The following PRKCE variants were observed in gnomAD, a reference collection of about 807,000 sequenced individuals.
PRKCE encodes protein kinase C epsilon.
A neutral mutation model predicts 85.4 loss-of-function variants in PRKCE; 16 were observed. The ratio of observed to expected loss-of-function variants is 0.19; its 90% CI spans 0.13 to 0.28. The LOEUF (loss-of-function observed/expected upper bound fraction) is 0.28. Among genes scored for constraint, PRKCE ranks in the 10% least tolerant of loss-of-function variants. The probability of loss-of-function intolerance (pLI) is 1.00; values close to 1 mark genes in which losing one functional copy is unlikely to be tolerated. For synonymous variants in PRKCE, 388 were observed against 371.5 expected (o/e 1.04, Z -0.51); for missense variants, 573 against 975.2 (o/e 0.59, Z 5.49).
intron 11 of PRKCE, among the ~76,000 whole-genome samples, chr2:46,100,009 G>A (rs12622416): frequency 0.27 from 40,439 of 151,910 alleles, 5,589 homozygotes; most frequent in South Asian, 0.41. Flanking sequence ...GTGTCCTTGG[G>A]CAAATGACTT....
At chr2:46,157,892 C>T (rs764949112) in intron 13 of PRKCE, among the ~76,000 whole-genome samples, 6 of 152,216 alleles carry the variant, frequency 3.9e-5, no homozygotes, top group Non-Finnish European at 7.3e-5. Flanking sequence ...GCTGTGTCTC[C>T]GAGGGCTACT....
intron 1 of PRKCE, among the ~76,000 whole-genome samples, chr2:45,741,560 G>A (rs573503345): frequency 4.5e-4 from 68 of 152,324 alleles, no homozygotes; most frequent in African/African-American, 1.6e-3. Context: ...CGTCTGACAC[G>A]GTCCTCAGCC....
chr2:46,051,454 T>A (rs1201352231), intron 10 of PRKCE, among the ~76,000 whole-genome samples: 1 of 152,214 alleles, frequency 6.6e-6, no homozygotes, highest in African/African-American at 2.4e-5. Flanking sequence ...ATATGGCACA[T>A]GGCACAGCTG....
At chr2:46,142,361 C>T (rs1424774382) in intron 11 of PRKCE, among the ~76,000 whole-genome samples, 3 of 152,194 alleles carry the variant, frequency 2.0e-5, no homozygotes, top group African/African-American at 7.2e-5. Flanking sequence ...AACAATCGCC[C>T]TTCTGGCTCC....
chr2:46,057,030 G>A (rs1023215860), intron 10 of PRKCE, among the ~76,000 whole-genome samples: 2 of 152,098 alleles, frequency 1.3e-5, no homozygotes, highest in Non-Finnish European at 2.9e-5. Flanking sequence ...ACAACTGAGG[G>A]CTGGCTGGGC....
At chr2:46,107,017 G>A (rs1296161619) in intron 11 of PRKCE, among the ~76,000 whole-genome samples, 3 of 152,172 alleles carry the variant, frequency 2.0e-5, no homozygotes, top group Admixed American at 6.5e-5. Context: ...TCAAATTTGA[G>A]TGTATTAAGT....
In PRKCE at chr2:46,144,350, T is replaced by C. The variant is rs142293682; in HGVS notation, c.1593-743T>C. Among the ~76,000 whole-genome samples, 134 of 152,322 alleles carry C rather than the reference T, an allele frequency of 8.8e-4. 1 individual carries two copies. The East Asian group carries it at 0.021, about 24-fold the overall frequency. On this transcript the variant is annotated intron_variant, in intron 11 of 14. Transcript: ENST00000306156. Reference sequence around the variant, plus strand: ...CTCATGCAGGCAGGATGCTTATTGCTGTTAGCATGCATTTCAAATTCTTTT... The same window carrying C: ...CTCATGCAGGCAGGATGCTTATTGCCGTTAGCATGCATTTCAAATTCTTTT...
chr2:45,717,664 G>A (rs1448915036), intron 1 of PRKCE, among the ~76,000 whole-genome samples: 2 of 152,126 alleles, frequency 1.3e-5, no homozygotes, highest in Non-Finnish European at 2.9e-5. Context: ...AATTTAGCCC[G>A]CCATAGTAGT....
chr2:46,169,363 A>G (rs544863131), intron 14 of PRKCE, among the ~76,000 whole-genome samples: 1 of 152,208 alleles, frequency 6.6e-6, no homozygotes, highest in South Asian at 2.1e-4. Flanking sequence ...TTCCACATCA[A>G]CCTCAGTCTC....
At chr2:45,888,465 CTTTTTTT>C (rs34871432) in intron 2 of PRKCE, among the ~76,000 whole-genome samples, 1 of 74,752 alleles carries the variant, frequency 1.3e-5, no homozygotes, top group Non-Finnish European at 2.4e-5. Flanking sequence ...TCCCAACAGT[CTTTTTTT>C]TTTTTTTTTT....
intron 1 of PRKCE, among the ~76,000 whole-genome samples, chr2:45,760,604 GT>G (rs1684388584): frequency 6.6e-6 from 1 of 152,200 alleles, no homozygotes; most frequent in Admixed American, 6.5e-5. Context: ...AGCTGGCAAG[GT>G]CCAGTGATGT....
At chr2:45,706,705 A>C (rs778749671) in intron 1 of PRKCE, among the ~76,000 whole-genome samples, 1 of 152,136 alleles carries the variant, frequency 6.6e-6, no homozygotes, top group Non-Finnish European at 1.5e-5. Context: ...CCCCACAATG[A>C]ATTAAATTTC....
intron 1 of PRKCE, among the ~76,000 whole-genome samples, chr2:45,787,009 G>A (rs1429104077): frequency 6.6e-6 from 1 of 152,230 alleles, no homozygotes; most frequent in Non-Finnish European, 1.5e-5. Context: ...GGTTTCCCCT[G>A]GATCCGATGA....
intron 1 of PRKCE, among the ~76,000 whole-genome samples, chr2:45,811,902 C>T (rs1405462115): frequency 3.3e-5 from 5 of 152,124 alleles, no homozygotes; most frequent in Admixed American, 1.3e-4. Context: ...TTTATACCTC[C>T]ATGCGTACAC....
At chr2:45,703,939 G>A (rs555706905) in intron 1 of PRKCE, among the ~76,000 whole-genome samples, 6 of 152,262 alleles carry the variant, frequency 3.9e-5, no homozygotes, top group Admixed American at 2.6e-4. Context: ...TCTCCAAATA[G>A]CAAATGGGTA....
intron 1 of PRKCE, among the ~76,000 whole-genome samples, chr2:45,835,700 C>T (rs181415416): frequency 8.6e-5 from 13 of 151,958 alleles, no homozygotes; most frequent in Admixed American, 6.5e-4. Flanking sequence ...AAGCCATTCT[C>T]CTGCCTCAGC....
chr2:45,665,208 G>A (rs1675855721), intron 1 of PRKCE, among the ~76,000 whole-genome samples: 2 of 152,158 alleles, frequency 1.3e-5, no homozygotes, highest in Admixed American at 1.3e-4. Flanking sequence ...AAGTAGAAGA[G>A]GATCACTTCT....
chr2:45,705,768 CAT>C (rs1372943889), intron 1 of PRKCE, among the ~76,000 whole-genome samples: 6 of 152,158 alleles, frequency 3.9e-5, no homozygotes, highest in Admixed American at 2.0e-4. Context: ...TTCTATAATC[CAT>C]AGAGTGTCAA....
At chr2:46,113,432 C>T (rs1672458304) in intron 11 of PRKCE, among the ~76,000 whole-genome samples, 2 of 152,162 alleles carry the variant, frequency 1.3e-5, no homozygotes, top group African/African-American at 4.8e-5. Flanking sequence ...GTGGTCAGGA[C>T]CTAGCAGGGG....
Sources: allele counts gnomAD v4.1 joint callset (sites outside exome capture counted in the v4.1 genomes callset), GRCh38; gene constraint gnomAD v4.1.1; transcripts MANE v1.5; gene names NCBI Gene and HGNC (gene_info 2026-07-23, HGNC 2026-07-21).